The following CCDC42 variants were observed in gnomAD, a reference collection of about 807,000 sequenced individuals.
CCDC42 encodes the protein coiled-coil domain containing 42.
A neutral mutation model predicts 40.8 loss-of-function variants in CCDC42; 38 were observed. That is an observed-to-expected ratio of 0.93 (90% CI 0.72 to 1.22). CCDC42 has a LOEUF of 1.22. Among genes scored for constraint, CCDC42 ranks in the 50% most tolerant of loss-of-function variants. CCDC42 has a pLI of 0.00. For missense variants in CCDC42, 379 were observed against 416.5 expected, an observed-to-expected ratio of 0.91 and a Z score of 0.78; for synonymous variants, 135 against 157.5, an observed-to-expected ratio of 0.86 and a Z score of 1.07.
In CCDC42 at chr17:8,735,369, G is replaced by C. The variant is rs374987425; in HGVS notation, c.714+21C>G. On this transcript the variant is annotated intron_variant, in intron 5 of 6. Transcript: ENST00000293845. This position sits in a 1 kb window ranked among gnomAD's most constrained non-coding sequence, Gnocchi z 4.7. ...ACTCACCCAGTGCCTGGGAGCCCCC[G>C]GCCCGCCCCGGGCCCCTCACCCAGA... The C allele has an allele frequency of 8.1e-6, 13 of 1,612,970 alleles. No homozygotes were observed. In the African/African-American group the frequency reaches 1.6e-4, roughly 20 times the overall value.
intron 4 of CCDC42, among the ~76,000 whole-genome samples, chr17:8,740,724 G>A (rs1415607594): frequency 6.6e-6 from 1 of 152,084 alleles, no homozygotes. Context: ...AGTTCCCTGG[G>A]CTCCGGCTAC....
chr17:8,739,026 G>C (rs373624186), intron 4 of CCDC42, among the ~76,000 whole-genome samples: 17 of 152,308 alleles, frequency 1.1e-4, no homozygotes, highest in African/African-American at 4.1e-4. Context: ...TAGCAAAGCT[G>C]TGTGATGAGT....
At chr17:8,739,565 G>A (rs1021996780) in intron 4 of CCDC42, among the ~76,000 whole-genome samples, 4 of 152,094 alleles carry the variant, frequency 2.6e-5, no homozygotes, top group South Asian at 2.1e-4. Context: ...TTTTTGAGAC[G>A]GAGTTTCGCT....
At position 8,730,243 on chromosome 17, in the gene CCDC42, C is replaced by T. The variant is rs1223823452; in HGVS notation, c.874-36G>A. 5.3e-6 allele frequency: 8 copies of T among 1,523,352 alleles called. No individual in the cohort carries two copies. The East Asian group carries it at 1.8e-4, about 34-fold the overall frequency. The allele number at this position is 1,523,352 out of a possible 1,614,324, so 94.4% of individuals were successfully genotyped here. On this transcript the variant is annotated intron_variant, in intron 6 of 6. Coordinates refer to ENST00000293845, the MANE Select transcript of CCDC42 (RefSeq NM_144681.3). ...AAGGAGCCCAGCGTTAACTCCGCCC[C>T]CCAGAGGCCTCCCCTGTCCCAAGAT...
chr17:8,743,089 A>C (rs2086654930), intron 3 of CCDC42, among the ~76,000 whole-genome samples: 1 of 152,230 alleles, frequency 6.6e-6, no homozygotes, highest in Non-Finnish European at 1.5e-5. Flanking sequence ...GGGCTGCGTA[A>C]GTGCTACCTG....
At chr17:8,741,405 C>T (rs1417603253) in intron 4 of CCDC42, 69 bp downstream of exon 4, 5 of 1,483,880 alleles carry the variant, frequency 3.4e-6, no homozygotes, top group Non-Finnish European at 4.7e-6. Flanking sequence ...CCCATGGCCC[C>T]AGGCCCCGGG....
chr17:8,733,651 C>T (rs546787538), intron 6 of CCDC42, among the ~76,000 whole-genome samples: 138 of 152,228 alleles, frequency 9.1e-4, no homozygotes, highest in East Asian at 7.7e-3. Context: ...CCACCATGCC[C>T]GGCTAATTTT....
chr17:8,744,519 ACACT>A lies in CCDC42; in HGVS notation c.83+4_83+7del, dbSNP rs1344569619. On this transcript the variant is annotated splice_donor_5th_base_variant and intron_variant, in intron 1 of 6. Transcript: ENST00000293845. ...GAGGGGTGGGCAAGCCAGGCCTCAGACACTCACTGGAGCATCTGCAGCAGCCGCT... is the reference window on the plus strand; with the variant it reads ...GAGGGGTGGGCAAGCCAGGCCTCAGACACTGGAGCATCTGCAGCAGCCGCT... 1 of 1,609,094 alleles carries A rather than the reference ACACT, an allele frequency of 6.2e-7. No individual in the cohort carries two copies. The highest frequency in any genetic ancestry group is 8.5e-7 in the Non-Finnish European group (1 of 1,178,932).
At position 8,735,294 on chromosome 17, in the gene CCDC42, GGT is replaced by G. The variant is rs749482733; in HGVS notation, c.715-42_715-41del. ...AGGACGGGGCATGAGCACAGCATGT[GGT>G]GTGTGTGTGTTTGTGTGTATGTGTG... On this transcript the variant is annotated intron_variant, in intron 5 of 6. Coordinates refer to ENST00000293845, the MANE Select transcript of CCDC42 (RefSeq NM_144681.3). The surrounding 1 kb of genome is among the most constrained non-coding windows in gnomAD (Gnocchi z 4.7). 15 of 1,611,442 alleles carry G rather than the reference GGT, an allele frequency of 9.3e-6. No homozygotes were observed. Among genetic ancestry groups the G allele is most frequent in the Admixed American group, 5.0e-5 (3 of 59,976 alleles).
chr17:8,740,633 G>C (rs1286457645), intron 4 of CCDC42, among the ~76,000 whole-genome samples: 1 of 152,142 alleles, frequency 6.6e-6, no homozygotes, highest in African/African-American at 2.4e-5. Flanking sequence ...AGGTGCCACT[G>C]AGTTGAGGGC....
In CCDC42 at chr17:8,735,825, G is replaced by C. The variant is rs2086608803; in HGVS notation, c.493-214C>G. ...CGGGCCACGGTCCATTTGTTGGGCAGGGGGATGCACAACTGGGCTAGGGAT... is the reference window on the plus strand; with the variant it reads ...CGGGCCACGGTCCATTTGTTGGGCACGGGGATGCACAACTGGGCTAGGGAT... On this transcript the variant is annotated intron_variant, in intron 4 of 6. Transcript: ENST00000293845. This position sits in a 1 kb window ranked among gnomAD's most constrained non-coding sequence, Gnocchi z 4.7. Among the ~76,000 whole-genome samples the C allele has an allele frequency of 6.6e-6, 1 of 152,188 alleles. No individual in the cohort carries two copies. Among genetic ancestry groups the C allele is most frequent in the Non-Finnish European group, 1.5e-5 (1 of 68,018 alleles).
chr17:8,744,111 T>A lies in CCDC42; in HGVS notation c.157A>T (p.Ile53Phe), dbSNP rs770960822. 84 of 1,613,912 alleles carry A rather than the reference T, an allele frequency of 5.2e-5. No individual in the cohort carries two copies. The East Asian group carries it at 1.8e-3, about 36-fold the overall frequency. Residue 53 changes from isoleucine (I) to phenylalanine (F), a missense_variant, in exon 2 of 7, where the codon ATC becomes TTC. Physicochemically the swap from Ile to Phe is conservative, Grantham distance 21 (BLOSUM62 0). Transcript: ENST00000293845. ...TTCTGCACCATAGTTTGATGCATGA[T>A]TTCTGTCTCCTTTTTCTTCTCCAGT... is the stretch of plus-strand genomic sequence containing the variant. ...WLLEKKKETE[I>F]MHQTMVQKKK...
Position 8,744,562 on chromosome 17 carries a change from C to G in CCDC42, c.48G>C (p.Arg16=). ...GCAGCAGCCGCTCCCCATACTGCAG[C>G]CGGAAGTACTCGGCCAGGTCTTCCT... is the stretch of plus-strand genomic sequence containing the variant. ...MEEEDLAEYF[R]LQYGERLLQM... is the part of the protein sequence containing the mutation. Residue 16 remains arginine, a synonymous_variant, in exon 1 of 7, where the codon CGG becomes CGC. Coordinates refer to ENST00000293845, the MANE Select transcript of CCDC42 (RefSeq NM_144681.3). 1 of 1,612,616 alleles carries G rather than the reference C, an allele frequency of 6.2e-7. No individual in the cohort carries two copies. The highest frequency in any genetic ancestry group is 1.1e-5 in the South Asian group (1 of 91,084).
Position 8,741,648 on chromosome 17 carries a change from G to T in CCDC42, c.318C>A (p.Arg106=). 1 of 1,613,332 alleles carries T rather than the reference G, an allele frequency of 6.2e-7. No individual in the cohort carries two copies. The highest frequency in any genetic ancestry group is 1.1e-5 in the South Asian group (1 of 91,038). The change falls in exon 4 of 7, where the codon CGC becomes CGA. Residue 106 remains arginine (R), a synonymous_variant. Transcript: ENST00000293845. ...FIQENDQKRI[R]AMKKANKERE... is the part of the protein sequence containing the mutation. ...GCTCCTTGTTGGCTTTCTTCATGGC[G>T]CGGATCCGTTTCTGGTCGTTCTCCT... is the stretch of plus-strand genomic sequence containing the variant.
chr17:8,737,507 C>T (rs989481556), intron 4 of CCDC42, among the ~76,000 whole-genome samples: 3 of 152,096 alleles, frequency 2.0e-5, no homozygotes, highest in Admixed American at 6.6e-5. Context: ...ACTTTCTCTG[C>T]GAGACCCACA....
At chr17:8,741,805 G>A in intron 3 of CCDC42, 134 bp from the exon 4 acceptor site, 1 of 824,682 alleles carries the variant, frequency 1.2e-6, no homozygotes, top group African/African-American at 1.7e-5. Context: ...AGAGATTGCT[G>A]GGCCACCCAT....
At chr17:8,736,351 C>T (rs998884580) in intron 4 of CCDC42, among the ~76,000 whole-genome samples, 3 of 152,186 alleles carry the variant, frequency 2.0e-5, no homozygotes, top group Non-Finnish European at 2.9e-5. Flanking sequence ...AGAGAGGGTG[C>T]TGGTGGGGCA....
In CCDC42 at chr17:8,730,255, C is replaced by T. The variant is rs761266965; in HGVS notation, c.874-48G>A. 2.9e-6 allele frequency: 4 copies of T among 1,402,426 alleles called. No homozygotes were observed. The Admixed American group carries it at 5.4e-5, about 19-fold the overall frequency. 86.9% of individuals were successfully genotyped at this position (1,402,426 alleles called of 1,614,324 possible). On this transcript the variant is annotated intron_variant, in intron 6 of 6. Transcript: ENST00000293845. ...GTTAACTCCGCCCCCCAGAGGCCTCCCCTGTCCCAAGATGGAGCATCCCAG... is the reference window on the plus strand; with the variant it reads ...GTTAACTCCGCCCCCCAGAGGCCTCTCCTGTCCCAAGATGGAGCATCCCAG...
Position 8,743,729 on chromosome 17 carries a change from A to G in CCDC42, c.191T>C (p.Met64Thr), listed in dbSNP as rs748445573. Residue 64 changes from methionine (M) to threonine (T), a missense_variant and splice_region_variant, in exon 3 of 7, where the codon ATG (methionine) becomes ACG (threonine). Met to Thr is a moderately conservative substitution (Grantham distance 81). Transcript: ENST00000293845. ...MHQTMVQKKKMFQRRMETLNL... is the reference protein window; with the variant it reads ...MHQTMVQKKKTFQRRMETLNL... ...CAGGGTTTCCATTCTGCGCTGAAAC[A>G]TCTTTGGGGTGGGGGTGGGAGAGCA... The G allele has an allele frequency of 1.5e-6, 2 of 1,309,002 alleles. No homozygotes were observed. Among genetic ancestry groups the G allele is most frequent in the Non-Finnish European group, 2.2e-6 (2 of 902,350 alleles). The allele number at this position is 1,309,002 out of a possible 1,614,324, so 81.1% of individuals were successfully genotyped here.
Sources: allele counts gnomAD v4.1 joint callset (sites outside exome capture counted in the v4.1 genomes callset), GRCh38; gene constraint gnomAD v4.1.1; non-coding constraint Gnocchi (gnomAD v3.1); transcripts MANE v1.5; gene names NCBI Gene and HGNC (gene_info 2026-07-23, HGNC 2026-07-21).